The following WDR49 variants were observed in gnomAD, a reference collection of about 807,000 sequenced individuals.
WDR49 encodes cilia- and flagella-associated protein 337.
A neutral mutation model predicts 119.5 loss-of-function variants in WDR49; 107 were observed. That is an observed-to-expected ratio of 0.90 (90% CI 0.77 to 1.05). The LOEUF is 1.05. Ranked by LOEUF, WDR49 falls within the 50% of genes least tolerant of loss-of-function variation. The probability of loss-of-function intolerance (pLI) is 0.00; values close to 1 mark genes in which losing one functional copy is unlikely to be tolerated. For missense variants in WDR49, 1,240 were observed against 1,220.5 expected, an observed-to-expected ratio of 1.02 and a Z score of -0.24; for synonymous variants, 425 against 418.8, an observed-to-expected ratio of 1.01 and a Z score of -0.18.
At chr3:167,613,037 C>T (rs1383825047) in intron 5 of WDR49, among the ~76,000 whole-genome samples, 1 of 152,070 alleles carries the variant, frequency 6.6e-6, no homozygotes, top group African/African-American at 2.4e-5. Context: ...TTTAAAATAA[C>T]TTATAGAGTG....
At chr3:167,497,538 G>A (rs1170306795) in intron 18 of WDR49, among the ~76,000 whole-genome samples, 1 of 152,058 alleles carries the variant, frequency 6.6e-6, no homozygotes, top group Admixed American at 6.6e-5. Context: ...CTGCCCATAT[G>A]AAGAATTCAT....
At chr3:167,648,002 G>C (rs1307208499) in intron 2 of WDR49, among the ~76,000 whole-genome samples, 1 of 152,112 alleles carries the variant, frequency 6.6e-6, no homozygotes, top group African/African-American at 2.4e-5. Context: ...TATCCTGTTG[G>C]ATTCATGTTC....
chr3:167,606,327 A>G (rs1015497826), intron 5 of WDR49, among the ~76,000 whole-genome samples: 2 of 152,162 alleles, frequency 1.3e-5, no homozygotes, highest in South Asian at 4.1e-4. Context: ...CCTTCTCACT[A>G]TACTCATAAA....
intron 18 of WDR49, among the ~76,000 whole-genome samples, chr3:167,480,055 A>AC (rs1266984592): frequency 6.6e-6 from 1 of 151,448 alleles, no homozygotes; most frequent in Non-Finnish European, 1.5e-5. Context: ...ATTTAGTGAA[A>AC]CCCCGTCTCT....
chr3:167,487,858 T>C (rs766672253), intron 18 of WDR49, among the ~76,000 whole-genome samples: 16 of 151,986 alleles, frequency 1.1e-4, no homozygotes, highest in Non-Finnish European at 2.1e-4. Context: ...ATGGCTATTA[T>C]TAAGTCAAAA....
chr3:167,534,924 A>G (rs1385645050), intron 11 of WDR49, among the ~76,000 whole-genome samples: 1 of 152,194 alleles, frequency 6.6e-6, no homozygotes, highest in Non-Finnish European at 1.5e-5. Flanking sequence ...AAGTGCCACC[A>G]ACGTGTGATT....
chr3:167,568,998 G>A (rs1560290340), intron 8 of WDR49, among the ~76,000 whole-genome samples: 2 of 150,970 alleles, frequency 1.3e-5, no homozygotes, highest in African/African-American at 2.4e-5. Context: ...GTTGGAGTGC[G>A]GTGGTGCTAT....
chr3:167,631,834 T>A (rs1225710541), intron 2 of WDR49, among the ~76,000 whole-genome samples: 1 of 152,136 alleles, frequency 6.6e-6, no homozygotes, highest in African/African-American at 2.4e-5. Context: ...AAAACTGTTA[T>A]GAAGATTAGC....
At chr3:167,542,325 C>A (rs1560277224) in intron 10 of WDR49, among the ~76,000 whole-genome samples, 3 of 152,062 alleles carry the variant, frequency 2.0e-5, no homozygotes, top group Non-Finnish European at 4.4e-5. Flanking sequence ...CCAACAACTG[C>A]AGAATATACA....
At position 167,651,595 on chromosome 3, in the gene WDR49, T is replaced by G. The variant is rs559188465; in HGVS notation, c.165+1666A>C. Among the ~76,000 whole-genome samples the G allele has an allele frequency of 6.3e-5, 4 of 63,178 alleles. No homozygotes were observed. In the South Asian group the frequency reaches 1.2e-3, roughly 19 times the overall value. 41.4% of individuals were successfully genotyped at this position (63,178 alleles called of 152,430 possible). ...AGTCTGCTAAAATGGATGAACTTCA[T>G]TTTTTTTTTTTGAAGGTACACCTGC... On this transcript the variant is annotated intron_variant, in intron 2 of 18. Coordinates refer to ENST00000682715, the MANE Select transcript of WDR49 (RefSeq NM_001366157.1).
chr3:167,482,287 C>A (rs1049081776), intron 18 of WDR49, among the ~76,000 whole-genome samples: 3 of 152,048 alleles, frequency 2.0e-5, no homozygotes, highest in Admixed American at 2.0e-4. Flanking sequence ...TTCAAGTTGT[C>A]CTTCAAATCC....
intron 5 of WDR49, among the ~76,000 whole-genome samples, chr3:167,616,406 T>C (rs1364799647): frequency 1.3e-5 from 2 of 152,166 alleles, no homozygotes; most frequent in Non-Finnish European, 2.9e-5. Context: ...AAAGTAGAAC[T>C]GTGAACCCTG....
At chr3:167,508,223 T>C (rs1449796284) in intron 16 of WDR49, among the ~76,000 whole-genome samples, 1 of 152,182 alleles carries the variant, frequency 6.6e-6, no homozygotes, top group Non-Finnish European at 1.5e-5. Context: ...CTTGATAAAA[T>C]ATTTGATGGC....
intron 11 of WDR49, among the ~76,000 whole-genome samples, chr3:167,533,596 T>A (rs1752923186): frequency 1.3e-5 from 2 of 152,090 alleles, no homozygotes; most frequent in Admixed American, 1.3e-4. Context: ...CTATATTGAA[T>A]ACTGAATATT....
At chr3:167,612,612 T>A (rs1383561470) in intron 5 of WDR49, among the ~76,000 whole-genome samples, 3 of 151,740 alleles carry the variant, frequency 2.0e-5, no homozygotes, top group African/African-American at 7.3e-5. Flanking sequence ...ATAAATAAAA[T>A]CAGAAATGAA....
At chr3:167,600,551 A>G (rs1368983662) in intron 7 of WDR49, among the ~76,000 whole-genome samples, 1 of 152,156 alleles carries the variant, frequency 6.6e-6, no homozygotes, top group Non-Finnish European at 1.5e-5. Context: ...GGGGGAGACC[A>G]TTGGTGGGGC....
chr3:167,487,039 T>C (rs991572950), intron 18 of WDR49, among the ~76,000 whole-genome samples: 4 of 152,002 alleles, frequency 2.6e-5, no homozygotes, highest in African/African-American at 9.7e-5. Context: ...AAAATTCACA[T>C]TGGACCAAAA....
chr3:167,575,566 C>T (rs1299803426), intron 8 of WDR49, among the ~76,000 whole-genome samples: 1 of 152,128 alleles, frequency 6.6e-6, no homozygotes, highest in Non-Finnish European at 1.5e-5. Flanking sequence ...ACAGGGATAC[C>T]GGAAGATGGT....
At chr3:167,551,320 A>T (rs1712553546) in intron 10 of WDR49, among the ~76,000 whole-genome samples, 1 of 152,048 alleles carries the variant, frequency 6.6e-6, no homozygotes, top group Non-Finnish European at 1.5e-5. Context: ...GCAATTAAAA[A>T]ATATATATGG....
Sources: allele counts gnomAD v4.1 joint callset (sites outside exome capture counted in the v4.1 genomes callset), GRCh38; gene constraint gnomAD v4.1.1; transcripts MANE v1.5; gene names NCBI Gene and HGNC (gene_info 2026-07-23, HGNC 2026-07-21).